Variants in CDH13 observed in about 807,000 individuals in gnomAD.
CDH13 encodes cadherin 13.
Under a neutral mutation model 63.8 loss-of-function variants are expected in CDH13, and 24 were observed. That is an observed-to-expected ratio of 0.38 (90% CI 0.27 to 0.53). The LOEUF is 0.53. Ranked by LOEUF, CDH13 falls within the 20% of genes least tolerant of loss-of-function variation. The pLI, the probability that CDH13 is intolerant of heterozygous loss-of-function variation, is 0.85. For missense variants in CDH13, 1,049 were observed against 903.1 expected (o/e 1.16, Z -2.07); for synonymous variants, 503 against 355.3 (o/e 1.42, Z -4.67).
chr16:82,967,892 A>T (rs958792958), intron 2 of CDH13, among the ~76,000 whole-genome samples: 1 of 152,170 alleles, frequency 6.6e-6, no homozygotes, highest in African/African-American at 2.4e-5. Context: ...TTGGAAGGAG[A>T]TATTTCCAGA....
rs148314615 is a variant in CDH13, at chr16:83,045,561, C to G, written c.366+13343C>G. ...CTGAGGCAGGAGAATCGCTCGAACTCAGGAGGCAGAGGTCACAGTGATCCA... is the reference window on the plus strand; with the variant it reads ...CTGAGGCAGGAGAATCGCTCGAACTGAGGAGGCAGAGGTCACAGTGATCCA... On this transcript the variant is annotated intron_variant, in intron 3 of 13. Transcript: ENST00000567109. 6.1e-5 allele frequency among the ~76,000 whole-genome samples: 9 copies of G among 146,780 alleles called. No homozygotes were observed. In the East Asian group the frequency reaches 1.8e-3, roughly 30 times the overall value.
rs142299920 is a variant in CDH13, at chr16:82,860,787, A to G, written c.157+2314A>G. The stretch of plus-strand genomic sequence containing the variant: ...AATTGTCATAGACTTGAGAATGCCT[A>G]TTGAAAATAGTTTAGGAAACTCTGG... On this transcript the variant is annotated intron_variant, in intron 2 of 13. Coordinates refer to ENST00000567109, the MANE Select transcript of CDH13 (RefSeq NM_001257.5). 2.0e-3 allele frequency among the ~76,000 whole-genome samples: 307 copies of G among 152,326 alleles called. 2 individuals carry two copies. Among genetic ancestry groups the G allele is most frequent in the African/African-American group, 7.1e-3 (296 of 41,582 alleles).
chr16:83,347,420 A>G lies in CDH13; in HGVS notation c.781+2414A>G, dbSNP rs951911401. Among the ~76,000 whole-genome samples, 7 of 152,262 alleles carry G rather than the reference A, an allele frequency of 4.6e-5. No individual in the cohort carries two copies. In the East Asian group the frequency reaches 1.4e-3, roughly 29 times the overall value. Reference sequence around the variant, plus strand: ...TCTGGAAAGAGTTCCATGATTTTCCATGCTCTCACAAATAAAAGATGGGAG... The same window carrying G: ...TCTGGAAAGAGTTCCATGATTTTCCGTGCTCTCACAAATAAAAGATGGGAG... On this transcript the variant is annotated intron_variant, in intron 6 of 13. Coordinates refer to ENST00000567109, the MANE Select transcript of CDH13 (RefSeq NM_001257.5).
chr16:83,512,269 G>A lies in CDH13; in HGVS notation c.960+25614G>A, dbSNP rs1474744031. Among the ~76,000 whole-genome samples the A allele has an allele frequency of 8.0e-5, 12 of 150,302 alleles. 1 individual carries two copies. The highest frequency in any genetic ancestry group is 2.2e-4 in the African/African-American group (9 of 40,808). On this transcript the variant is annotated intron_variant, in intron 7 of 13. Coordinates refer to ENST00000567109, the MANE Select transcript of CDH13 (RefSeq NM_001257.5). Reference sequence around the variant, plus strand: ...CCGGGAGGCGAAGCTTGCAGTGAGCGGAGATTGCACCACTGCACTCTAGCC... The same window carrying A: ...CCGGGAGGCGAAGCTTGCAGTGAGCAGAGATTGCACCACTGCACTCTAGCC...
chr16:82,834,176 A>T (rs1412539441), intron 1 of CDH13, among the ~76,000 whole-genome samples: 1 of 152,148 alleles, frequency 6.6e-6, no homozygotes, highest in Non-Finnish European at 1.5e-5. Flanking sequence ...ACCCTGGGAG[A>T]TCCATTTCTT....
At chr16:83,602,082 C>CAAAAAAAAAAAAAAAAAA (rs576973198) in intron 7 of CDH13, among the ~76,000 whole-genome samples, 1 of 32,294 alleles carries the variant, frequency 3.1e-5, no homozygotes, top group Non-Finnish European at 4.8e-5. Context: ...GACTCTGTCT[C>CAAAAAAAAAAAAAAAAAA]AAAAAAAAAA....
At chr16:82,867,204 T>C (rs1159464175) in intron 2 of CDH13, among the ~76,000 whole-genome samples, 1 of 152,176 alleles carries the variant, frequency 6.6e-6, no homozygotes, top group Non-Finnish European at 1.5e-5. Flanking sequence ...CTGCTTATAA[T>C]TGGTGGTGTC....
intron 5 of CDH13, among the ~76,000 whole-genome samples, chr16:83,318,813 T>C (rs971638888): frequency 1.3e-5 from 2 of 152,188 alleles, no homozygotes; most frequent in Non-Finnish European, 1.5e-5. Flanking sequence ...ACAATGGTGC[T>C]GTCTTTCTTT....
intron 2 of CDH13, among the ~76,000 whole-genome samples, chr16:82,896,059 A>C (rs1304924508): frequency 6.6e-6 from 1 of 152,152 alleles, no homozygotes; most frequent in Non-Finnish European, 1.5e-5. Flanking sequence ...ACTTTAAGGC[A>C]TCACCCTGTT....
chr16:83,647,830 C>G (rs1444242178), intron 8 of CDH13, among the ~76,000 whole-genome samples: 3 of 152,142 alleles, frequency 2.0e-5, no homozygotes, highest in Admixed American at 6.5e-5. Flanking sequence ...GTCTCCTTGA[C>G]TGGTCAGTCC....
intron 6 of CDH13, among the ~76,000 whole-genome samples, chr16:83,404,447 G>A (rs1221852187): frequency 6.6e-6 from 1 of 152,206 alleles, no homozygotes; most frequent in South Asian, 2.1e-4. Flanking sequence ...GTAAGGGTAA[G>A]CAGCTTCGCA....
intron 1 of CDH13, among the ~76,000 whole-genome samples, chr16:82,663,680 A>G (rs1912247492): frequency 6.6e-6 from 1 of 152,140 alleles, no homozygotes; most frequent in Non-Finnish European, 1.5e-5. Context: ...CTGGAAAACT[A>G]TTAAGATCCG....
At chr16:82,976,071 A>G (rs1909462383) in intron 2 of CDH13, among the ~76,000 whole-genome samples, 1 of 152,230 alleles carries the variant, frequency 6.6e-6, no homozygotes. Flanking sequence ...TAACAAAGCA[A>G]AGAAGAAATG....
chr16:83,238,370 CAGAT>C (rs2151811693), intron 5 of CDH13, among the ~76,000 whole-genome samples: 1 of 152,252 alleles, frequency 6.6e-6, no homozygotes, highest in East Asian at 1.9e-4. Context: ...ATAAAACCAT[CAGAT>C]CTTCTGAGAC....
chr16:83,318,871 C>G (rs2090161696), intron 5 of CDH13, among the ~76,000 whole-genome samples: 1 of 151,968 alleles, frequency 6.6e-6, no homozygotes, highest in Admixed American at 6.6e-5. Context: ...GAATCCTGTG[C>G]TAGATGCTAG....
intron 6 of CDH13, among the ~76,000 whole-genome samples, chr16:83,420,271 G>C (rs1023404007): frequency 1.3e-5 from 2 of 152,292 alleles, no homozygotes; most frequent in Non-Finnish European, 2.9e-5. Flanking sequence ...TCACAATTGA[G>C]AGCATCAACT....
rs547539901 is a variant in CDH13, at chr16:83,148,018, C to T, written c.483+22517C>T. On this transcript the variant is annotated intron_variant, in intron 4 of 13. Coordinates refer to ENST00000567109, the MANE Select transcript of CDH13 (RefSeq NM_001257.5). The stretch of plus-strand genomic sequence containing the variant: ...GTACGATGTTTGCTTAATGCAACCT[C>T]AGCCTCCTAGGTACAAGCAATTGAT... Among the ~76,000 whole-genome samples the T allele has an allele frequency of 3.3e-5, 5 of 152,320 alleles. No individual in the cohort carries two copies. In the East Asian group the frequency reaches 5.8e-4, roughly 18 times the overall value.
intron 1 of CDH13, among the ~76,000 whole-genome samples, chr16:82,787,150 G>C (rs1428441370): frequency 1.3e-5 from 2 of 152,162 alleles, no homozygotes; most frequent in Non-Finnish European, 2.9e-5. Flanking sequence ...TTTCCATTGG[G>C]GCTGGTCTCA....
chr16:83,471,919 C>T (rs1047625734), intron 6 of CDH13, among the ~76,000 whole-genome samples: 1 of 152,172 alleles, frequency 6.6e-6, no homozygotes, highest in Non-Finnish European at 1.5e-5. Flanking sequence ...TACAAATCTA[C>T]TTCTATTTAG....
Sources: allele counts gnomAD v4.1 joint callset (sites outside exome capture counted in the v4.1 genomes callset), GRCh38; gene constraint gnomAD v4.1.1; transcripts MANE v1.5; gene names NCBI Gene and HGNC (gene_info 2026-07-23, HGNC 2026-07-21).